Variants in PMPCA observed in about 807,000 individuals in gnomAD.
PMPCA encodes the protein mitochondrial-processing peptidase subunit alpha.
PMPCA carries 47 observed loss-of-function variants against 59.3 expected under a neutral mutation model. The observed-to-expected ratio is 0.79, with a 90% CI of 0.63 to 1.01. PMPCA has a LOEUF of 1.01. Among genes scored for constraint, PMPCA ranks in the 50% least tolerant of loss-of-function variants. PMPCA has a pLI of 0.00. For synonymous variants in PMPCA, 338 were observed against 290.3 expected, an observed-to-expected ratio of 1.16 and a Z score of -1.67; for missense variants, 726 against 704.5, an observed-to-expected ratio of 1.03 and a Z score of -0.34.
intron 7 of PMPCA, among the ~76,000 whole-genome samples, chr9:136,417,489 T>TTTA (rs889206564): frequency 1.3e-5 from 2 of 151,326 alleles, no homozygotes; most frequent in African/African-American, 4.9e-5. Flanking sequence ...TTTTTTTTTT[T>TTTA]AGAGATGGAG....
In PMPCA at chr9:136,423,068, G is replaced by T. The variant is rs200559192; in HGVS notation, c.1409-27G>T. Reference sequence around the variant, plus strand: ...AGCGTGGGGGCCGTGGCGCGCTCGTGTGACACGCGTTTGCCCTCTGCACTA... The same window carrying T: ...AGCGTGGGGGCCGTGGCGCGCTCGTTTGACACGCGTTTGCCCTCTGCACTA... On this transcript the variant is annotated intron_variant, in intron 12 of 12. Coordinates refer to ENST00000371717, the MANE Select transcript of PMPCA (RefSeq NM_015160.3). 3.9e-5 allele frequency: 62 copies of T among 1,599,010 alleles called. No individual in the cohort carries two copies. In the African/African-American group the frequency reaches 5.6e-4, roughly 14 times the overall value.
At chr9:136,416,724 C>T in intron 6 of PMPCA, 2 of 591,870 alleles carry the variant, frequency 3.4e-6, no homozygotes, top group Non-Finnish European at 6.0e-6. Context: ...TAGGTCTTTA[C>T]TACTAAACAC....
In PMPCA at chr9:136,419,017, C is replaced by G. The variant is rs752422862; in HGVS notation, c.1201-27C>G. On this transcript the variant is annotated intron_variant, in intron 10 of 12. Coordinates refer to ENST00000371717, the MANE Select transcript of PMPCA (RefSeq NM_015160.3). Reference sequence around the variant, plus strand: ...AGTAGGCCGGCAGGCGCAGGCCACACTGTTATCGTCTTGCCCTTCTTCGCA... The same window carrying G: ...AGTAGGCCGGCAGGCGCAGGCCACAGTGTTATCGTCTTGCCCTTCTTCGCA... 4 of 1,611,122 alleles carry G rather than the reference C, an allele frequency of 2.5e-6. No individual in the cohort carries two copies. In the East Asian group the frequency reaches 8.9e-5, roughly 36 times the overall value.
At chr9:136,413,035 G>A (rs1835178776) in intron 4 of PMPCA, 143 bp downstream of exon 4, 2 of 654,176 alleles carry the variant, frequency 3.1e-6, no homozygotes, top group Non-Finnish European at 5.5e-6. Flanking sequence ...ATGGAGACTT[G>A]GGTGGATGGC....
At position 136,416,991 on chromosome 9, in the gene PMPCA, GC is replaced by G. The variant is rs1475258258; in HGVS notation, c.678del (p.Thr227GlnfsTer4). On this transcript the variant is annotated frameshift_variant, in exon 7 of 13. Transcript: ENST00000371717. LOFTEE classifies it high-confidence loss of function. ...RENTVGLHRF[C>X]PTENVAKINR... is the part of the protein sequence containing the mutation. ...AACACAGTTGGCCTCCACCGTTTCT[GC>G]CCCACAGAAAACGTAGCAAAGATCA... The G allele has an allele frequency of 6.2e-7, 1 of 1,612,446 alleles. No individual in the cohort carries two copies. The highest frequency in any genetic ancestry group is 2.2e-5 in the East Asian group (1 of 44,878).
rs1467883332 is a variant in PMPCA at position 136,418,092 on chromosome 9, G to C, written c.973G>C (p.Glu325Gln). 5 of 1,612,728 alleles carry C rather than the reference G, an allele frequency of 3.1e-6. No individual in the cohort carries two copies. In the South Asian group the frequency reaches 5.5e-5, roughly 18 times the overall value. The change falls in exon 8 of 13, where the codon GAG (glutamate) becomes CAG (glutamine). Residue 325 changes from glutamate to glutamine, a missense_variant. Transcript: ENST00000371717. ...PELTHIMVGLESCSFLEEDFI... is the reference protein window; with the variant it reads ...PELTHIMVGLQSCSFLEEDFI... ...GCTCACGCACATCATGGTTGGACTG[G>C]AGAGCTGCTCCTTCCTGGTGAGTCC...
At chr9:136,416,073 T>G (rs1206497404) in intron 5 of PMPCA, 2 of 587,746 alleles carry the variant, frequency 3.4e-6, no homozygotes, top group African/African-American at 3.7e-5. Context: ...GCTTCATGGC[T>G]GAGGCGGGAT....
intron 1 of PMPCA, chr9:136,410,980 G>C (rs569080915): frequency 5.1e-6 from 2 of 391,694 alleles, no homozygotes; most frequent in African/African-American, 4.1e-5. Context: ...CACTTCCCGG[G>C]TCGACGGGCC....
In PMPCA at chr9:136,418,824, C is replaced by G; in HGVS notation, c.1110-4C>G. ...TCACTCCCATGACTCTCGCTTCCTC[C>G]CAGGCACCACTGGATGTATAACGCG... is the stretch of plus-strand genomic sequence containing the variant. On this transcript the variant is annotated splice_polypyrimidine_tract_variant and splice_region_variant and intron_variant, in intron 9 of 12. Transcript: ENST00000371717. 1 of 1,609,590 alleles carries G rather than the reference C, an allele frequency of 6.2e-7. No homozygotes were observed. Among genetic ancestry groups the G allele is most frequent in the Non-Finnish European group, 8.5e-7 (1 of 1,176,936 alleles).
At chr9:136,421,242 T>G (rs1835439278) in intron 11 of PMPCA, among the ~76,000 whole-genome samples, 1 of 152,218 alleles carries the variant, frequency 6.6e-6, no homozygotes, top group South Asian at 2.1e-4. Context: ...CTATTTTACC[T>G]TCTCCCGCTG....
At chr9:136,411,011 T>C (rs904114025) in intron 1 of PMPCA, 1 of 369,102 alleles carries the variant, frequency 2.7e-6, no homozygotes, top group South Asian at 1.3e-4. Context: ...CCATGCCTCA[T>C]ATTTGCCCCC....
At position 136,419,227 on chromosome 9, in the gene PMPCA, G is replaced by A. The variant is rs777814257; in HGVS notation, c.1263+121G>A. ...AGCCTCAGGGCCAAGGTCCCGGCAG[G>A]GCAGGGCAGGGCAGGGCGGCCAAGG... On this transcript the variant is annotated intron_variant, in intron 11 of 12. Coordinates refer to ENST00000371717, the MANE Select transcript of PMPCA (RefSeq NM_015160.3). The A allele has an allele frequency of 2.0e-5, 18 of 898,236 alleles. No homozygotes were observed. In the East Asian group the frequency reaches 3.9e-4, roughly 19 times the overall value. The allele number at this position is 898,236 out of a possible 1,614,324, so 55.6% of individuals were successfully genotyped here.
rs1835160067 is a variant in PMPCA at position 136,412,476 on chromosome 9, C to T, written c.275-14C>T. 9.1e-6 allele frequency: 12 copies of T among 1,315,658 alleles called. No individual in the cohort carries two copies. The East Asian group carries it at 1.2e-4, about 13-fold the overall frequency. 81.5% of individuals were successfully genotyped at this position (1,315,658 alleles called of 1,614,324 possible). A position where few individuals can be genotyped will look rare whatever the true frequency, so the allele number is the denominator to read the frequency against. ...ATATCTGATGTAACCTGTCAATTTT[C>T]TTTTTACTACTAGTTCTTATCAATT... On this transcript the variant is annotated splice_polypyrimidine_tract_variant and intron_variant, in intron 2 of 12. Coordinates refer to ENST00000371717, the MANE Select transcript of PMPCA (RefSeq NM_015160.3).
chr9:136,418,061 C>T lies in PMPCA; in HGVS notation c.942C>T (p.Ile314=). ...MSNVSLGPTP[I]PELTHIMVGL... Reference sequence around the variant, plus strand: ...ATGTCAGCCTGGGCCCGACCCCCATCCCCGAGCTCACGCACATCATGGTTG... The same window carrying T: ...ATGTCAGCCTGGGCCCGACCCCCATTCCCGAGCTCACGCACATCATGGTTG... Residue 314 remains isoleucine, a synonymous_variant, in exon 8 of 13, where the codon ATC becomes ATT. Transcript: ENST00000371717. 6.2e-7 allele frequency: 1 copy of T among 1,613,954 alleles called. No individual in the cohort carries two copies. Among genetic ancestry groups the T allele is most frequent in the Non-Finnish European group, 8.5e-7 (1 of 1,179,778 alleles).
At chr9:136,422,776 G>T (rs919230679) in intron 12 of PMPCA, 10 of 1,142,756 alleles carry the variant, frequency 8.8e-6, no homozygotes, top group South Asian at 5.2e-5. Context: ...GGGGCTGGGG[G>T]TTTTTTCTGC....
intron 9 of PMPCA, 32 bp downstream of exon 9, chr9:136,418,705 C>T: frequency 6.5e-7 from 1 of 1,540,434 alleles, no homozygotes; most frequent in Non-Finnish European, 9.0e-7. Context: ...ATCCTCAGGC[C>T]ACCAGGCCAG....
intron 4 of PMPCA, among the ~76,000 whole-genome samples, chr9:136,413,568 G>C (rs945888862): frequency 2.0e-5 from 3 of 152,202 alleles, no homozygotes; most frequent in Non-Finnish European, 2.9e-5. Context: ...ATTAAAGTTA[G>C]CTTGGAGGTA....
intron 4 of PMPCA, among the ~76,000 whole-genome samples, chr9:136,414,027 C>G (rs1212999950): frequency 6.6e-6 from 1 of 152,204 alleles, no homozygotes; most frequent in Non-Finnish European, 1.5e-5. Context: ...GTGCCTCATG[C>G]CGGGAACAGA....
chr9:136,418,710 G>A (rs1212012454), intron 9 of PMPCA, 37 bp downstream of exon 9: 3 of 1,524,844 alleles, frequency 2.0e-6, no homozygotes, highest in Non-Finnish European at 2.7e-6. Flanking sequence ...CAGGCCACCA[G>A]GCCAGGCCAG....
Sources: gnomAD v4.1 joint callset for allele counts (sites outside exome capture counted in the v4.1 genomes callset) on GRCh38, gnomAD v4.1.1 for gene constraint, MANE v1.5 for transcripts, NCBI Gene and HGNC (gene_info 2026-07-23, HGNC 2026-07-21) for gene names.